NBAS: variants seen among roughly 807,000 people sequenced by gnomAD.
NBAS encodes the protein NAG/BC035112 fusion.
A neutral mutation model predicts 302.5 loss-of-function variants in NBAS; 219 were observed. The observed-to-expected ratio is 0.72, with a 90% CI of 0.65 to 0.81. NBAS has a LOEUF of 0.81. NBAS is among the 30% of genes least tolerant of loss of function. The pLI is 0.00. For synonymous variants in NBAS, 1,118 were observed against 1,021.6 expected, an observed-to-expected ratio of 1.09 and a Z score of -1.80; for missense variants, 2,932 against 2,841.6, an observed-to-expected ratio of 1.03 and a Z score of -0.72.
At chr2:15,050,420 G>A in the NBAS span, among the ~76,000 whole-genome samples, 1 of 152,094 alleles carries the variant, frequency 6.6e-6, no homozygotes, top group Non-Finnish European at 1.5e-5. Context: ...AGGGAATGGA[G>A]TGCCTATAAT....
chr2:14,832,003 T>C, the NBAS span, among the ~76,000 whole-genome samples: 1 of 152,066 alleles, frequency 6.6e-6, no homozygotes, highest in Non-Finnish European at 1.5e-5. Flanking sequence ...TCACTCAGAG[T>C]GAAGGAAATC....
the NBAS span, among the ~76,000 whole-genome samples, chr2:15,118,411 C>T: frequency 0.14 from 20,664 of 152,116 alleles, 2,654 homozygotes; most frequent in African/African-American, 0.32. Context: ...TATCCAAAAG[C>T]GGCCTCTGTG....
intron 48 of NBAS, among the ~76,000 whole-genome samples, chr2:15,202,427 A>C (rs141525020): frequency 2.0e-5 from 3 of 152,268 alleles, no homozygotes; most frequent in African/African-American, 4.8e-5. Context: ...TAAAATAAGA[A>C]GAGGAAAGAT....
rs760291832 is a variant in NBAS at position 15,275,831 on chromosome 2, AAAAG to A, written c.5390-17_5390-14del. 1.4e-4 allele frequency: 227 copies of A among 1,608,174 alleles called. No homozygotes were observed. The highest frequency in any genetic ancestry group is 1.2e-4 in the Admixed American group (7 of 60,004). On this transcript the variant is annotated splice_polypyrimidine_tract_variant and intron_variant, in intron 43 of 51. Transcript: ENST00000281513. The stretch of plus-strand genomic sequence containing the variant: ...TTGTAATTAAGACCTAGCAGAAAAA[AAAAG>A]AAAGTAGGTAAGTGGTTCATTCCAA...
chr2:15,141,605 G>A, the NBAS span, among the ~76,000 whole-genome samples: 2 of 152,168 alleles, frequency 1.3e-5, no homozygotes, highest in Non-Finnish European at 2.9e-5. Context: ...GTTTATAAAG[G>A]CTAGACTCAT....
chr2:14,979,786 C>A, the NBAS span, among the ~76,000 whole-genome samples: 5 of 152,100 alleles, frequency 3.3e-5, no homozygotes, highest in Non-Finnish European at 1.5e-5. Flanking sequence ...GGCACACTCC[C>A]AGGACACGGA....
chr2:15,338,737 C>T (rs1672713755), intron 35 of NBAS, among the ~76,000 whole-genome samples: 1 of 150,768 alleles, frequency 6.6e-6, no homozygotes, highest in African/African-American at 2.4e-5. Context: ...TGGCCAGGTG[C>T]AGTGGCTCAC....
chr2:14,915,202 A>C, the NBAS span, among the ~76,000 whole-genome samples: 1 of 152,214 alleles, frequency 6.6e-6, no homozygotes, highest in East Asian at 1.9e-4. Context: ...TTAGCTTATT[A>C]TCAAAGGTTG....
At chr2:15,546,813 T>A (rs948261875) in intron 6 of NBAS, among the ~76,000 whole-genome samples, 1 of 152,206 alleles carries the variant, frequency 6.6e-6, no homozygotes, top group Non-Finnish European at 1.5e-5. Flanking sequence ...GAGAAAATCA[T>A]ATTTGTATGG....
Position 15,328,179 on chromosome 2 carries a change from C to T in NBAS, c.4461+20G>A. ...ACAGCATGACAGTTAAATCTATCTT[C>T]CTAGACACGCTGTCCTTACCTCAGC... is the stretch of plus-strand genomic sequence containing the variant. On this transcript the variant is annotated intron_variant, in intron 37 of 51. Transcript: ENST00000281513. 1 of 1,600,318 alleles carries T rather than the reference C, an allele frequency of 6.2e-7. No individual in the cohort carries two copies.
chr2:15,528,789 C>A (rs1051496035), intron 9 of NBAS, among the ~76,000 whole-genome samples: 8 of 148,474 alleles, frequency 5.4e-5, no homozygotes, highest in African/African-American at 2.0e-4. Context: ...ATCACTTGAG[C>A]TGGGGAGGCA....
chr2:15,477,861 T>C (rs1250103664), intron 13 of NBAS, among the ~76,000 whole-genome samples: 1 of 152,212 alleles, frequency 6.6e-6, no homozygotes, highest in African/African-American at 2.4e-5. Context: ...TGGAAATGTA[T>C]GCAAAGACAA....
intron 14 of NBAS, 52 bp downstream of exon 14, chr2:15,475,635 A>C: frequency 6.5e-7 from 1 of 1,539,592 alleles, no homozygotes; most frequent in South Asian, 1.2e-5. Context: ...CAGATATTTA[A>C]ATTTTTGGTT....
chr2:15,204,586 A>G (rs888532952), intron 48 of NBAS, among the ~76,000 whole-genome samples: 23 of 152,198 alleles, frequency 1.5e-4, no homozygotes, highest in African/African-American at 5.6e-4. Context: ...ACTATTCACA[A>G]TAGCAAAGAC....
At chr2:15,182,967 T>C (rs1664899445) in intron 50 of NBAS, among the ~76,000 whole-genome samples, 1 of 152,118 alleles carries the variant, frequency 6.6e-6, no homozygotes, top group South Asian at 2.1e-4. Context: ...AGGTGAGTAC[T>C]CTTAAGTACT....
intron 32 of NBAS, among the ~76,000 whole-genome samples, chr2:15,366,188 T>G (rs564102785): frequency 2.2e-4 from 33 of 152,298 alleles, no homozygotes; most frequent in Non-Finnish European, 4.4e-4. Context: ...GGTGAACTGG[T>G]AAGGTTGGTT....
chr2:15,213,069 AATTCTT>A (rs1666491946), intron 48 of NBAS, among the ~76,000 whole-genome samples: 1 of 152,212 alleles, frequency 6.6e-6, no homozygotes, highest in African/African-American at 2.4e-5. Flanking sequence ...TAGCCTATTT[AATTCTT>A]ACAACAATTG....
At chr2:15,462,122 C>T (rs1039061419) in intron 19 of NBAS, among the ~76,000 whole-genome samples, 1 of 152,150 alleles carries the variant, frequency 6.6e-6, no homozygotes, top group African/African-American at 2.4e-5. Context: ...GCACCTGAAC[C>T]TCTATAGATG....
intron 25 of NBAS, among the ~76,000 whole-genome samples, chr2:15,405,544 A>T (rs2148437977): frequency 6.6e-6 from 1 of 152,310 alleles, no homozygotes; most frequent in Middle Eastern, 3.4e-3. Context: ...CTTCCTAAGA[A>T]GTCAATGAAA....
Sources: allele counts gnomAD v4.1 joint callset (sites outside exome capture counted in the v4.1 genomes callset), GRCh38; gene constraint gnomAD v4.1.1; transcripts MANE v1.5; gene names NCBI Gene and HGNC (gene_info 2026-07-23, HGNC 2026-07-21).